PHLPP1: variants seen among roughly 807,000 people sequenced by gnomAD.
PHLPP1 encodes PH domain and leucine rich repeat protein phosphatase 1.
Under a neutral mutation model 117.2 loss-of-function variants are expected in PHLPP1, and 42 were observed. The observed-to-expected ratio is 0.36, with a 90% CI of 0.28 to 0.46. PHLPP1 has a LOEUF of 0.46. PHLPP1 is among the 20% of genes least tolerant of loss of function. PHLPP1 has a pLI of 1.00. For missense variants in PHLPP1, 2,084 were observed against 2,241.9 expected, an observed-to-expected ratio of 0.93 and a Z score of 1.42; for synonymous variants, 1,042 against 970.7, an observed-to-expected ratio of 1.07 and a Z score of -1.37.
chr18:62,838,722 T>G, intron 2 of PHLPP1, 62 bp from the exon 3 acceptor site: 11 of 1,558,764 alleles, frequency 7.1e-6, no homozygotes, highest in Non-Finnish European at 9.7e-6. Context: ...GCATAGTTAG[T>G]GAAATACATC....
chr18:62,757,581 G>A (rs1488689925), intron 1 of PHLPP1, among the ~76,000 whole-genome samples: 1 of 152,138 alleles, frequency 6.6e-6, no homozygotes, highest in Non-Finnish European at 1.5e-5. Flanking sequence ...TTCTGACGTC[G>A]CTGACTTCTG....
chr18:62,743,883 G>A (rs1216206424), intron 1 of PHLPP1, among the ~76,000 whole-genome samples: 1 of 152,024 alleles, frequency 6.6e-6, no homozygotes, highest in Non-Finnish European at 1.5e-5. Context: ...CTCTGTGGTG[G>A]TTACATTGAA....
At chr18:62,738,041 A>G (rs890742353) in intron 1 of PHLPP1, among the ~76,000 whole-genome samples, 2 of 152,132 alleles carry the variant, frequency 1.3e-5, no homozygotes, top group Non-Finnish European at 2.9e-5. Flanking sequence ...ACCTATACCT[A>G]TAGGTAGAAC....
chr18:62,792,056 A>G (rs1441033811), intron 1 of PHLPP1, among the ~76,000 whole-genome samples: 1 of 152,106 alleles, frequency 6.6e-6, no homozygotes, highest in African/African-American at 2.4e-5. Flanking sequence ...TTTTGTTATT[A>G]TAAATGTAAG....
intron 12 of PHLPP1, among the ~76,000 whole-genome samples, chr18:62,955,284 A>G (rs1316292498): frequency 6.6e-6 from 1 of 152,134 alleles, no homozygotes; most frequent in Non-Finnish European, 1.5e-5. Context: ...AAAGTTGGGG[A>G]TGCCTTGTTG....
intron 3 of PHLPP1, among the ~76,000 whole-genome samples, chr18:62,841,830 G>A (rs1915059752): frequency 6.6e-6 from 1 of 152,144 alleles, no homozygotes; most frequent in Non-Finnish European, 1.5e-5. Context: ...GATTATCTTA[G>A]ATTACTGGTA....
At chr18:62,948,864 A>G (rs1910372868) in intron 12 of PHLPP1, among the ~76,000 whole-genome samples, 1 of 152,180 alleles carries the variant, frequency 6.6e-6, no homozygotes, top group Non-Finnish European at 1.5e-5. Flanking sequence ...GTTGCAATAT[A>G]AGTATGTATA....
intron 4 of PHLPP1, among the ~76,000 whole-genome samples, chr18:62,870,668 C>T (rs1046861251): frequency 2.0e-5 from 3 of 152,164 alleles, no homozygotes; most frequent in African/African-American, 7.2e-5. Flanking sequence ...GGTAGGAGTT[C>T]AGAGACATTT....
At chr18:62,850,698 G>T (rs546448892) in intron 3 of PHLPP1, among the ~76,000 whole-genome samples, 1 of 152,294 alleles carries the variant, frequency 6.6e-6, no homozygotes, top group East Asian at 1.9e-4. Flanking sequence ...ACACAATGGG[G>T]TTTGTGTGTG....
At chr18:62,739,805 G>A (rs1437733115) in intron 1 of PHLPP1, among the ~76,000 whole-genome samples, 1 of 152,102 alleles carries the variant, frequency 6.6e-6, no homozygotes, top group Non-Finnish European at 1.5e-5. Context: ...GTCTCAATTG[G>A]CCTCAGTTTT....
At chr18:62,916,480 A>G (rs1170060901) in intron 9 of PHLPP1, among the ~76,000 whole-genome samples, 2 of 151,822 alleles carry the variant, frequency 1.3e-5, no homozygotes, top group African/African-American at 4.8e-5. Context: ...TAATTTCATT[A>G]TGTTCTGCAG....
At chr18:62,824,932 CT>C (rs200225377) in intron 1 of PHLPP1, among the ~76,000 whole-genome samples, 44 of 140,302 alleles carry the variant, frequency 3.1e-4, no homozygotes, top group East Asian at 6.5e-4. Context: ...AATATATATA[CT>C]TTTTTTTTTT....
intron 1 of PHLPP1, among the ~76,000 whole-genome samples, chr18:62,741,052 C>T (rs963653128): frequency 4.6e-5 from 7 of 152,178 alleles, no homozygotes; most frequent in South Asian, 2.1e-4. Context: ...TTTATATTCC[C>T]GTAGCAAAGT....
At chr18:62,891,035 G>A (rs909056228) in intron 4 of PHLPP1, among the ~76,000 whole-genome samples, 16 of 152,134 alleles carry the variant, frequency 1.1e-4, no homozygotes, top group African/African-American at 3.9e-4. Flanking sequence ...GGGGATAGGG[G>A]AGGAAGCACC....
At chr18:62,841,514 A>T (rs555495523) in intron 3 of PHLPP1, among the ~76,000 whole-genome samples, 2 of 151,092 alleles carry the variant, frequency 1.3e-5, no homozygotes, top group African/African-American at 4.9e-5. Flanking sequence ...TTGTGTTTTT[A>T]GTAGAGATGG....
chr18:62,785,016 A>G (rs1276392229), intron 1 of PHLPP1, among the ~76,000 whole-genome samples: 1 of 152,248 alleles, frequency 6.6e-6, no homozygotes, highest in African/African-American at 2.4e-5. Flanking sequence ...TTAGGTTGTT[A>G]TAAAACATAG....
At chr18:62,873,232 T>C (rs1915954331) in intron 4 of PHLPP1, among the ~76,000 whole-genome samples, 1 of 152,148 alleles carries the variant, frequency 6.6e-6, no homozygotes, top group Non-Finnish European at 1.5e-5. Context: ...TTTGTATGTG[T>C]GTGTTTCCAG....
chr18:62,822,681 T>C lies in PHLPP1; in HGVS notation c.1577-7354T>C, dbSNP rs1458489478. ...CTTTCACCACTTCTGTTCAAGGTTGTAGCAGTGAGATAAGCAAAATAAATA... is the reference window on the plus strand; with the variant it reads ...CTTTCACCACTTCTGTTCAAGGTTGCAGCAGTGAGATAAGCAAAATAAATA... On this transcript the variant is annotated intron_variant, in intron 1 of 16. Coordinates refer to ENST00000262719, the MANE Select transcript of PHLPP1 (RefSeq NM_194449.4). Among the ~76,000 whole-genome samples the C allele has an allele frequency of 2.0e-5, 3 of 152,220 alleles. No homozygotes were observed. The East Asian group carries it at 5.8e-4, about 29-fold the overall frequency.
At chr18:62,781,665 T>C (rs1344578427) in intron 1 of PHLPP1, among the ~76,000 whole-genome samples, 1 of 152,224 alleles carries the variant, frequency 6.6e-6, no homozygotes, top group Admixed American at 6.5e-5. Flanking sequence ...AGATGATTTT[T>C]TTTTTCCACC....
Sources: allele counts gnomAD v4.1 joint callset (sites outside exome capture counted in the v4.1 genomes callset), GRCh38; gene constraint gnomAD v4.1.1; transcripts MANE v1.5; gene names NCBI Gene and HGNC (gene_info 2026-07-23, HGNC 2026-07-21).